RYR3: variants seen among roughly 807,000 people sequenced by gnomAD.
The protein encoded by RYR3 is brain ryanodine receptor-calcium release channel.
RYR3 carries 207 observed loss-of-function variants against 584.3 expected under a neutral mutation model. The observed-to-expected ratio is 0.35, with a 90% CI of 0.32 to 0.40. RYR3 has a LOEUF of 0.40. Ranked by LOEUF, RYR3 falls within the 10% of genes least tolerant of loss-of-function variation. RYR3 has a pLI of 1.00. For missense variants in RYR3, 5,616 were observed against 6,089.2 expected (o/e 0.92, Z 2.59); for synonymous variants, 2,416 against 2,248.5 (o/e 1.07, Z -2.11).
At chr15:33,478,275 C>T (rs959816578) in intron 2 of RYR3, among the ~76,000 whole-genome samples, 1 of 152,176 alleles carries the variant, frequency 6.6e-6, no homozygotes, top group African/African-American at 2.4e-5. Flanking sequence ...CAGGGGCTGG[C>T]TTCTGGATTT....
chr15:33,779,604 A>C (rs1458607330), intron 64 of RYR3, among the ~76,000 whole-genome samples: 1 of 152,212 alleles, frequency 6.6e-6, no homozygotes, highest in East Asian at 1.9e-4. Flanking sequence ...TTTTGAGAAC[A>C]GGGAAGGATC....
At chr15:33,635,498 A>G in intron 25 of RYR3, 116 bp from the exon 26 acceptor site, 1 of 735,126 alleles carries the variant, frequency 1.4e-6, no homozygotes. Flanking sequence ...TAGTCGACCT[A>G]TGGTCAGTCT....
chr15:33,705,101 T>TCTCTCTCTCTCTCTCTCTC (rs1156781766), intron 42 of RYR3, among the ~76,000 whole-genome samples: 22 of 142,204 alleles, frequency 1.5e-4, no homozygotes, highest in African/African-American at 5.9e-4. Flanking sequence ...CACACACTCT[T>TCTCTCTCTCTCTCTCTCTC]TCTCTCTCTC....
chr15:33,583,431 A>G (rs1309822179), intron 14 of RYR3, among the ~76,000 whole-genome samples: 1 of 152,134 alleles, frequency 6.6e-6, no homozygotes, highest in Non-Finnish European at 1.5e-5. Flanking sequence ...CCAATATTAA[A>G]TTCTTGCTTA....
intron 10 of RYR3, among the ~76,000 whole-genome samples, chr15:33,551,020 A>T (rs2056636262): frequency 6.6e-6 from 1 of 152,188 alleles, no homozygotes; most frequent in African/African-American, 2.4e-5. Context: ...GTGTATGTAG[A>T]CAACTATTCT....
intron 64 of RYR3, 74 bp from the exon 65 acceptor site, chr15:33,780,137 G>T (rs1596550905): frequency 6.4e-7 from 1 of 1,561,784 alleles, no homozygotes; most frequent in East Asian, 2.2e-5. Context: ...AATCTATGGG[G>T]AAGGCCTGAT....
At chr15:33,802,076 T>C (rs1405766169) in intron 69 of RYR3, 115 bp downstream of exon 69, 2 of 786,700 alleles carry the variant, frequency 2.5e-6, no homozygotes, top group Non-Finnish European at 4.7e-6. Context: ...TCAAACTACA[T>C]GACCAACAGT....
intron 38 of RYR3, among the ~76,000 whole-genome samples, chr15:33,677,384 G>A (rs543352145): frequency 2.6e-5 from 4 of 152,302 alleles, no homozygotes; most frequent in Admixed American, 2.6e-4. Context: ...CCTTCGCTGT[G>A]CCATCTCTGC....
At chr15:33,649,511 TC>T (rs1456196854) in intron 31 of RYR3, among the ~76,000 whole-genome samples, 1 of 152,192 alleles carries the variant, frequency 6.6e-6, no homozygotes, top group African/African-American at 2.4e-5. Context: ...AGAGTTTTTT[TC>T]CAGGACTTCT....
intron 41 of RYR3, among the ~76,000 whole-genome samples, 166 bp downstream of exon 41, chr15:33,699,999 A>G (rs747829250): frequency 1.3e-5 from 2 of 152,250 alleles, no homozygotes; most frequent in Non-Finnish European, 2.9e-5. Flanking sequence ...CGATGCCACA[A>G]GAACGTTCTC....
Position 33,550,266 on chromosome 15 carries a change from C to A in RYR3, c.922C>A (p.Arg308=). 2 of 1,613,558 alleles carry A rather than the reference C, an allele frequency of 1.2e-6. No homozygotes were observed. Among genetic ancestry groups the A allele is most frequent in the Non-Finnish European group, 1.7e-6 (2 of 1,179,726 alleles). The change falls in exon 10 of 104, where the codon CGG becomes AGG. Residue 308 remains arginine, a synonymous_variant. Transcript: ENST00000634891. The part of the protein sequence containing the change: ...TEDQGLILQD[R]AKSDTKSTAF... ...AGACCAAGGCCTTATACTGCAAGAC[C>A]GGGCAAAGTCAGACACCAAGTCCAC...
chr15:33,701,181 G>A (rs2066276523), intron 42 of RYR3, 101 bp downstream of exon 42: 6 of 699,186 alleles, frequency 8.6e-6, no homozygotes, highest in Admixed American at 2.4e-5. Context: ...TCACTGTATC[G>A]TCATCTTGGT....
At chr15:33,335,560 T>G (rs937311746) in intron 1 of RYR3, among the ~76,000 whole-genome samples, 1 of 152,142 alleles carries the variant, frequency 6.6e-6, no homozygotes, top group African/African-American at 2.4e-5. Flanking sequence ...GAAAAATAAC[T>G]AATGGATACT....
intron 23 of RYR3, among the ~76,000 whole-genome samples, chr15:33,631,824 G>T (rs1437907111): frequency 6.6e-6 from 1 of 152,206 alleles, no homozygotes; most frequent in Non-Finnish European, 1.5e-5. Flanking sequence ...TTGCTTGTTT[G>T]CTCTCATGCA....
In RYR3 at chr15:33,319,355, C is replaced by T. The variant is rs117377371; in HGVS notation, c.51+8259C>T. On this transcript the variant is annotated intron_variant, in intron 1 of 103. Coordinates refer to ENST00000634891, the MANE Select transcript of RYR3 (RefSeq NM_001036.6). ...TCCAAGAGATCAGATCAAAATAGGACAGCTGGTCTTGGAGTAGCATAAGCC... is the reference window on the plus strand; with the variant it reads ...TCCAAGAGATCAGATCAAAATAGGATAGCTGGTCTTGGAGTAGCATAAGCC... Among the ~76,000 whole-genome samples, 527 of 152,328 alleles carry T rather than the reference C, an allele frequency of 3.5e-3. 2 individuals carry two copies. The highest frequency in any genetic ancestry group is 6.0e-3 in the Non-Finnish European group (405 of 68,026).
At chr15:33,845,588 A>G (rs1206153626) in intron 93 of RYR3, among the ~76,000 whole-genome samples, 3 of 152,098 alleles carry the variant, frequency 2.0e-5, no homozygotes, top group Non-Finnish European at 4.4e-5. Flanking sequence ...ACCACTTAGC[A>G]TGATCACTGG....
At chr15:33,667,994 T>C (rs2152717296) in intron 36 of RYR3, among the ~76,000 whole-genome samples, 1 of 136,090 alleles carries the variant, frequency 7.3e-6, no homozygotes, top group South Asian at 2.4e-4. Context: ...ACCCAGGTGG[T>C]GGAGGTTGCA....
At chr15:33,395,761 G>C (rs2042259208) in intron 1 of RYR3, among the ~76,000 whole-genome samples, 1 of 152,220 alleles carries the variant, frequency 6.6e-6, no homozygotes, top group African/African-American at 2.4e-5. Context: ...TTAGCTGAGT[G>C]ATTTATCTTA....
At chr15:33,638,984 T>G (rs924941017) in intron 27 of RYR3, among the ~76,000 whole-genome samples, 2 of 152,112 alleles carry the variant, frequency 1.3e-5, no homozygotes, top group Non-Finnish European at 2.9e-5. Flanking sequence ...AAGGTGCAGA[T>G]TATAGGCTCA....
Sources: gnomAD v4.1 joint callset for allele counts (sites outside exome capture counted in the v4.1 genomes callset) on GRCh38, gnomAD v4.1.1 for gene constraint, MANE v1.5 for transcripts, NCBI Gene and HGNC (gene_info 2026-07-23, HGNC 2026-07-21) for gene names.